The following AHDC1 variants were observed in gnomAD, a reference collection of about 807,000 sequenced individuals.
AHDC1 encodes the protein transcription factor Gibbin.
AHDC1 carries 7 observed loss-of-function variants against 87.9 expected under a neutral mutation model. The ratio of observed to expected loss-of-function variants is 0.08; its 90% CI spans 0.05 to 0.15. AHDC1 has a LOEUF of 0.15. Ranked by LOEUF, AHDC1 falls within the 10% of genes least tolerant of loss-of-function variation. AHDC1 has a pLI of 1.00. For missense variants in AHDC1, 1,841 were observed against 2,253.2 expected (o/e 0.82, Z 3.70); for synonymous variants, 1,051 against 1,006.8 (o/e 1.04, Z -0.83).
intron 3 of AHDC1, among the ~76,000 whole-genome samples, chr1:27,584,610 A>AC (rs1008289044): frequency 1.3e-5 from 2 of 152,094 alleles, no homozygotes. Flanking sequence ...TCTGAGGCCA[A>AC]CCCTTCCACC....
Position 27,548,086 on chromosome 1 carries a change from T to C in AHDC1, c.4030A>G (p.Ile1344Val). Residue 1344 changes from isoleucine to valine, a missense_variant, in exon 8 of 9, where the codon ATA becomes GTA. Transcript: ENST00000673934. ...GVGERDPCDF[I>V]GPYSMNPSTP... ...GACGGGTTCATGGAGTAGGGTCCTA[T>C]GAAGTCACAGGGGTCTCGCTCTCCC... is the stretch of plus-strand genomic sequence containing the variant. The C allele has an allele frequency of 7.4e-6, 12 of 1,613,922 alleles. No individual in the cohort carries two copies. The highest frequency in any genetic ancestry group is 9.3e-6 in the Non-Finnish European group (11 of 1,180,012).
In AHDC1 at chr1:27,548,827, C is replaced by T. The variant is rs762289372; in HGVS notation, c.3289G>A (p.Glu1097Lys). 42 of 1,612,924 alleles carry T rather than the reference C, an allele frequency of 2.6e-5. No individual in the cohort carries two copies. The highest frequency in any genetic ancestry group is 3.1e-5 in the Non-Finnish European group (36 of 1,179,886). ...GCCCCCGCAAACTGCCGACAGTTCT[C>T]GGGCGAGGGCTGGAAGGAGGAGGAG... ...SSSSSFQPSP[E>K]NCRQFAGASQ... The change falls in exon 8 of 9, where the codon GAG becomes AAG. Residue 1097 changes from glutamate (E) to lysine (K), a missense_variant. Physicochemically the swap from Glu to Lys is moderately conservative, Grantham distance 56. Around this residue, in one of 13 missense-constraint regions of AHDC1, gnomAD observed 378 missense variants for 399.0 expected, o/e 0.95. Transcript: ENST00000673934.
In AHDC1 at chr1:27,593,290, G is replaced by T. The variant is rs573125034; in HGVS notation, c.-629+10107C>A. The stretch of plus-strand genomic sequence containing the variant: ...TCTGCATGACTGCCCGCTCCACAGG[G>T]TTCCAGAGACCCTCCTGCCTGCAGC... On this transcript the variant is annotated intron_variant, in intron 3 of 8. Transcript: ENST00000673934. The surrounding 1 kb of genome is among the most constrained non-coding windows in gnomAD (Gnocchi z 4.9). Among the ~76,000 whole-genome samples, 171 of 152,178 alleles carry T rather than the reference G, an allele frequency of 1.1e-3. No homozygotes were observed. The highest frequency in any genetic ancestry group is 3.4e-3 in the Middle Eastern group (1 of 294).
At chr1:27,600,370 G>C (rs1333647854) in intron 3 of AHDC1, among the ~76,000 whole-genome samples, 1 of 151,724 alleles carries the variant, frequency 6.6e-6, no homozygotes, top group Non-Finnish European at 1.5e-5. Flanking sequence ...CACCAAGCCA[G>C]ACCAGAAGGG....
chr1:27,545,040 C>T (rs969330657), intron 8 of AHDC1, among the ~76,000 whole-genome samples: 6 of 152,040 alleles, frequency 3.9e-5, no homozygotes, highest in African/African-American at 1.4e-4. Flanking sequence ...ACTGCTGTTC[C>T]CTCTGCCCAG....
chr1:27,551,006 C>T lies in AHDC1; in HGVS notation c.1110G>A (p.Pro370=), dbSNP rs778979466. The T allele has an allele frequency of 1.5e-5, 24 of 1,569,862 alleles. No individual in the cohort carries two copies. Among genetic ancestry groups the T allele is most frequent in the Admixed American group, 7.3e-5 (4 of 54,630 alleles). ...GACCCTCAGGCCCGGGGGGGCCGTG[C>T]GGTGAGCACAAGTCCAGGCGCAAGG... The part of the protein sequence containing the change: ...AEPLRLDLCS[P]HGPPGPEGHP... Residue 370 remains proline (P), a synonymous_variant, in exon 8 of 9, where the codon CCG becomes CCA. Coordinates refer to ENST00000673934, the MANE Select transcript of AHDC1 (RefSeq NM_001371928.1).
chr1:27,599,633 T>G (rs1354209622), intron 3 of AHDC1, among the ~76,000 whole-genome samples: 1 of 152,130 alleles, frequency 6.6e-6, no homozygotes, highest in African/African-American at 2.4e-5. Context: ...GTGGGGGGCG[T>G]CCAACTGGAT....
At chr1:27,592,770 A>T (rs1372980784) in intron 3 of AHDC1, among the ~76,000 whole-genome samples, 2 of 152,088 alleles carry the variant, frequency 1.3e-5, no homozygotes, top group African/African-American at 2.4e-5. Context: ...ATCCCTCTCT[A>T]GCCTGGATTG....
intron 8 of AHDC1, among the ~76,000 whole-genome samples, chr1:27,538,962 G>A (rs1394056550): frequency 2.0e-5 from 3 of 152,118 alleles, no homozygotes; most frequent in Non-Finnish European, 4.4e-5. Context: ...AGGCAGCCAG[G>A]CCTGTGAGTC....
Position 27,561,674 on chromosome 1 carries a change from C to A in AHDC1, c.-628-2791G>T, listed in dbSNP as rs1020175991. Among the ~76,000 whole-genome samples the A allele has an allele frequency of 1.3e-5, 2 of 151,254 alleles. No homozygotes were observed. The highest frequency in any genetic ancestry group is 4.9e-5 in the African/African-American group (2 of 41,086). On this transcript the variant is annotated intron_variant, in intron 3 of 8. Coordinates refer to ENST00000673934, the MANE Select transcript of AHDC1 (RefSeq NM_001371928.1). This position sits in a 1 kb window ranked among gnomAD's most constrained non-coding sequence, Gnocchi z 4.2. Reference sequence around the variant, plus strand: ...GTTGCAGACACCAGCCGAGACCACACAAGAGAGAGAGAGGAAAAGACAGAG... The same window carrying A: ...GTTGCAGACACCAGCCGAGACCACAAAAGAGAGAGAGAGGAAAAGACAGAG...
At chr1:27,573,164 C>T (rs901189754) in intron 3 of AHDC1, among the ~76,000 whole-genome samples, 5 of 152,112 alleles carry the variant, frequency 3.3e-5, no homozygotes, top group Non-Finnish European at 4.4e-5. Context: ...CAGGAATCTC[C>T]GAGCTGACTT....
chr1:27,549,641 C>A lies in AHDC1; in HGVS notation c.2475G>T (p.Gln825His), dbSNP rs762109511. The change falls in exon 8 of 9, where the codon CAG becomes CAT. Residue 825 changes from glutamine (Q) to histidine (H), a missense_variant. Transcript: ENST00000673934. ...TTTGGCGCTCCTGGCTGAGCTCGGT[C>A]TGGCCTGAGGGTGCACCCGTGCTGT... The part of the protein sequence containing the change: ...SYYSTGAPSG[Q>H]TELSQERQNL... 4 of 1,613,136 alleles carry A rather than the reference C, an allele frequency of 2.5e-6. No individual in the cohort carries two copies. The highest frequency in any genetic ancestry group is 2.5e-6 in the Non-Finnish European group (3 of 1,180,026).
At chr1:27,556,149 C>A (rs564272170) in intron 5 of AHDC1, among the ~76,000 whole-genome samples, 17 of 152,146 alleles carry the variant, frequency 1.1e-4, no homozygotes, top group African/African-American at 4.1e-4. Context: ...CCGGGAAGCG[C>A]CAGCCCACAT....
intron 3 of AHDC1, among the ~76,000 whole-genome samples, chr1:27,568,586 G>C (rs555608483): frequency 6.6e-6 from 1 of 152,260 alleles, no homozygotes; most frequent in African/African-American, 2.4e-5. Context: ...CGGTGCCCGC[G>C]AGGGGGCGGG....
At chr1:27,603,187 C>A (rs2089589515) in intron 3 of AHDC1, among the ~76,000 whole-genome samples, 1 of 149,910 alleles carries the variant, frequency 6.7e-6, no homozygotes, top group East Asian at 2.0e-4. Flanking sequence ...CCCCCTCCCC[C>A]TTCCCGGCGC....
chr1:27,550,881 C>T lies in AHDC1; in HGVS notation c.1235G>A (p.Arg412His), dbSNP rs181285619. The change falls in exon 8 of 9, where the codon CGC (arginine) becomes CAC (histidine). Residue 412 changes from arginine (R) to histidine (H), a missense_variant. Arg to His is a conservative substitution (Grantham distance 29, BLOSUM62 0). This residue lies in a region of AHDC1 where 370 missense variants were observed against 391.5 expected (regional missense o/e 0.95). Transcript: ENST00000673934. ...CGTGGGCATAGGCAGGGGCAGTAGG[C>T]GGCCCTCGGGTCCGGCGTCTGCCTT... ...GRKADAGPEG[R>H]LLPLPMPTGL... is the part of the protein sequence containing the mutation. The T allele has an allele frequency of 5.9e-3, 9,316 of 1,581,454 alleles. 26 individuals carry two copies. Among genetic ancestry groups the T allele is most frequent in the Middle Eastern group, 8.2e-3 (49 of 6,008 alleles).
At chr1:27,583,293 C>T (rs1386350303) in intron 3 of AHDC1, among the ~76,000 whole-genome samples, 1 of 152,238 alleles carries the variant, frequency 6.6e-6, no homozygotes, top group Non-Finnish European at 1.5e-5. Flanking sequence ...CTTCTGAGCC[C>T]TAAGCCGCGT....
At chr1:27,581,326 C>CT (rs2088901738) in intron 3 of AHDC1, among the ~76,000 whole-genome samples, 1 of 150,840 alleles carries the variant, frequency 6.6e-6, no homozygotes, top group African/African-American at 2.5e-5. Context: ...AGGCTCAAAA[C>CT]TTTAAAAAAA....
chr1:27,552,099 TG>T lies in AHDC1; in HGVS notation c.16del (p.Gln6ArgfsTer5). On this transcript the variant is annotated frameshift_variant, in exon 8 of 9. Coordinates refer to ENST00000673934, the MANE Select transcript of AHDC1 (RefSeq NM_001371928.1). LOFTEE classifies it high-confidence loss of function. MRVKP[Q>X]GLVVTSSAVC... is the part of the protein sequence containing the mutation. ...GGCACTGGAAGTCACCACCAGGCCCTGGGGCTTCACACGCATCCTGACCTTG... is the reference window on the plus strand; with the variant it reads ...GGCACTGGAAGTCACCACCAGGCCCTGGGCTTCACACGCATCCTGACCTTG... 1 of 1,469,254 alleles carries T rather than the reference TG, an allele frequency of 6.8e-7. No homozygotes were observed. The highest frequency in any genetic ancestry group is 9.0e-7 in the Non-Finnish European group (1 of 1,111,162). 91.0% of individuals were successfully genotyped at this position (1,469,254 alleles called of 1,614,324 possible).
Sources: gnomAD v4.1 joint callset for allele counts (sites outside exome capture counted in the v4.1 genomes callset) on GRCh38, gnomAD v4.1.1 for gene constraint, gnomAD v4.1.1 regional missense constraint, Gnocchi (gnomAD v3.1) non-coding constraint, MANE v1.5 for transcripts, NCBI Gene and HGNC (gene_info 2026-07-23, HGNC 2026-07-21) for gene names.